The following NRCAM variants were observed in gnomAD, a reference collection of about 807,000 sequenced individuals.
The protein encoded by NRCAM is neuronal cell adhesion molecule.
NRCAM carries 83 observed loss-of-function variants against 156.5 expected under a neutral mutation model. That is an observed-to-expected ratio of 0.53 (90% CI 0.44 to 0.64). The LOEUF is 0.64. NRCAM is among the 30% of genes least tolerant of loss of function. The probability of loss-of-function intolerance (pLI) is 0.00; values close to 1 mark genes in which losing one functional copy is unlikely to be tolerated. For synonymous variants in NRCAM, 538 were observed against 563.9 expected, an observed-to-expected ratio of 0.95 and a Z score of 0.65; for missense variants, 1,417 against 1,597.3, an observed-to-expected ratio of 0.89 and a Z score of 1.92.
chr7:108,334,739 A>C (rs1208103590), intron 2 of NRCAM, among the ~76,000 whole-genome samples: 1 of 152,210 alleles, frequency 6.6e-6, no homozygotes, highest in Non-Finnish European at 1.5e-5. Flanking sequence ...CAGACACACC[A>C]AGGAGGGAAC....
At chr7:108,312,991 C>T (rs1380920577) in intron 2 of NRCAM, among the ~76,000 whole-genome samples, 1 of 152,136 alleles carries the variant, frequency 6.6e-6, no homozygotes. Context: ...ACGTCTGATT[C>T]CTCTTTTCAG....
intron 32 of NRCAM, among the ~76,000 whole-genome samples, chr7:108,155,087 CATATATAT>C (rs148453642): frequency 0.14 from 16,104 of 114,152 alleles, 1,472 homozygotes; most frequent in African/African-American, 0.26. Flanking sequence ...ATTTAAAAGT[CATATATAT>C]ATATATACAC....
intron 24 of NRCAM, among the ~76,000 whole-genome samples, chr7:108,180,991 A>C (rs991834481): frequency 1.3e-5 from 2 of 152,284 alleles, no homozygotes; most frequent in East Asian, 3.9e-4. Flanking sequence ...TTTTCCACTA[A>C]ATCAAACTGT....
At chr7:108,378,827 A>T (rs928192595) in intron 2 of NRCAM, among the ~76,000 whole-genome samples, 1 of 152,076 alleles carries the variant, frequency 6.6e-6, no homozygotes, top group African/African-American at 2.4e-5. Context: ...AAAGAATAGA[A>T]AATGGAAGGA....
At chr7:108,306,412 A>G (rs1372393013) in intron 3 of NRCAM, among the ~76,000 whole-genome samples, 2 of 152,188 alleles carry the variant, frequency 1.3e-5, no homozygotes, top group African/African-American at 4.8e-5. Context: ...TTAAAATACT[A>G]TAGTGTGAGC....
At position 108,453,122 on chromosome 7, in the gene NRCAM, C is replaced by CA. The variant is rs751583943; in HGVS notation, c.-332+3120dup. 2.6e-4 allele frequency among the ~76,000 whole-genome samples: 40 copies of CA among 152,316 alleles called. No individual in the cohort carries two copies. In the Middle Eastern group the frequency reaches 0.021, roughly 78 times the overall value. On this transcript the variant is annotated intron_variant, in intron 1 of 32. Coordinates refer to ENST00000379028, the MANE Select transcript of NRCAM (RefSeq NM_001037132.4). Reference sequence around the variant, plus strand: ...TTCTGTTTGGTCACCACTGTATCCCCACTGCCTGGAACACAGTAAATATTT... The same window carrying CA: ...TTCTGTTTGGTCACCACTGTATCCCCAACTGCCTGGAACACAGTAAATATTT...
intron 28 of NRCAM, among the ~76,000 whole-genome samples, chr7:108,171,672 C>A (rs1586197998): frequency 6.6e-6 from 1 of 152,102 alleles, no homozygotes. Flanking sequence ...ACATTTTGCT[C>A]CAATTTCTAG....
At chr7:108,322,248 A>G (rs1473430473) in intron 2 of NRCAM, among the ~76,000 whole-genome samples, 1 of 152,170 alleles carries the variant, frequency 6.6e-6, no homozygotes. Flanking sequence ...ATGAACTTAC[A>G]AGTAGTCCCC....
intron 2 of NRCAM, among the ~76,000 whole-genome samples, chr7:108,366,287 G>C (rs376784904): frequency 6.6e-6 from 1 of 152,164 alleles, no homozygotes; most frequent in African/African-American, 2.4e-5. Flanking sequence ...TCATGATTCT[G>C]TCCCATGCTC....
At chr7:108,240,231 C>A (rs545866167) in intron 3 of NRCAM, 61 bp from the exon 4 acceptor site, 1 of 522,356 alleles carries the variant, frequency 1.9e-6, no homozygotes, top group African/African-American at 1.9e-5. Context: ...AAATGAAGAG[C>A]GGAAGTCTGC....
At chr7:108,444,643 T>C (rs1251625036) in intron 1 of NRCAM, among the ~76,000 whole-genome samples, 2 of 152,158 alleles carry the variant, frequency 1.3e-5, no homozygotes, top group Non-Finnish European at 2.9e-5. Flanking sequence ...TTTGTAGATC[T>C]CTGTCTTCAT....
chr7:108,394,830 T>C (rs79369170), intron 2 of NRCAM, among the ~76,000 whole-genome samples: 6 of 152,350 alleles, frequency 3.9e-5, no homozygotes, highest in East Asian at 1.9e-4. Context: ...ATAGGTCTTA[T>C]ATATTAAAAG....
At chr7:108,308,465 T>C (rs1328982618) in intron 3 of NRCAM, among the ~76,000 whole-genome samples, 5 of 152,226 alleles carry the variant, frequency 3.3e-5, no homozygotes, top group Admixed American at 3.3e-4. Context: ...CTACATTTCA[T>C]GTACTGGAGT....
intron 2 of NRCAM, among the ~76,000 whole-genome samples, chr7:108,350,552 AG>A (rs2099404621): frequency 6.6e-6 from 1 of 152,150 alleles, no homozygotes; most frequent in Admixed American, 6.5e-5. Flanking sequence ...CACCTCCCGA[AG>A]CTTGCAGTAG....
chr7:108,314,000 G>A (rs973164741), intron 2 of NRCAM, among the ~76,000 whole-genome samples: 4 of 152,150 alleles, frequency 2.6e-5, no homozygotes, highest in African/African-American at 9.7e-5. Flanking sequence ...ACATGCTGAT[G>A]GATTCCTAAG....
intron 3 of NRCAM, among the ~76,000 whole-genome samples, chr7:108,271,517 G>A (rs2097349530): frequency 6.6e-6 from 1 of 152,020 alleles, no homozygotes. Flanking sequence ...AGCCAACATG[G>A]TGAAACTCTC....
intron 3 of NRCAM, among the ~76,000 whole-genome samples, chr7:108,250,498 G>A (rs865952325): frequency 3.3e-5 from 5 of 150,172 alleles, no homozygotes; most frequent in Non-Finnish European, 7.4e-5. Flanking sequence ...AGCCAGGCAC[G>A]GAAATACACA....
chr7:108,433,458 G>T (rs534092949), intron 1 of NRCAM, among the ~76,000 whole-genome samples: 1 of 152,316 alleles, frequency 6.6e-6, no homozygotes, highest in African/African-American at 2.4e-5. Flanking sequence ...GAGATTATTA[G>T]ACATGAACCT....
At chr7:108,210,203 G>C (rs2083336445) in intron 11 of NRCAM, among the ~76,000 whole-genome samples, 1 of 151,438 alleles carries the variant, frequency 6.6e-6, no homozygotes, top group African/African-American at 2.4e-5. Flanking sequence ...ATTAAGAATA[G>C]ATCAAACTTA....
Sources: allele counts gnomAD v4.1 joint callset (sites outside exome capture counted in the v4.1 genomes callset), GRCh38; gene constraint gnomAD v4.1.1; transcripts MANE v1.5; gene names NCBI Gene and HGNC (gene_info 2026-07-23, HGNC 2026-07-21).